Variants in SQOR observed in about 807,000 individuals in gnomAD.
SQOR encodes sulfide:quinone oxidoreductase, mitochondrial.
A neutral mutation model predicts 48.6 loss-of-function variants in SQOR; 39 were observed. The observed-to-expected ratio is 0.80, with a 90% CI of 0.62 to 1.05. The LOEUF (loss-of-function observed/expected upper bound fraction) is 1.05, where lower values mean the gene tolerates loss of function less well. Ranked by LOEUF, SQOR falls within the 50% of genes least tolerant of loss-of-function variation. SQOR has a pLI of 0.00. For synonymous variants in SQOR, 220 were observed against 206.2 expected, an observed-to-expected ratio of 1.07 and a Z score of -0.57; for missense variants, 561 against 559.9, an observed-to-expected ratio of 1.00 and a Z score of -0.02.
intron 1 of SQOR, among the ~76,000 whole-genome samples, chr15:45,656,917 G>A (rs648734): frequency 0.33 from 49,528 of 151,592 alleles, 8,843 homozygotes; most frequent in East Asian, 0.54. Flanking sequence ...CAATTCTCAT[G>A]GCTCAGCCTC....
intron 1 of SQOR, among the ~76,000 whole-genome samples, chr15:45,654,712 C>A (rs2140944984): frequency 6.6e-6 from 1 of 152,082 alleles, no homozygotes; most frequent in East Asian, 1.9e-4. Flanking sequence ...GTTTAATAGA[C>A]AGGAGAAAAG....
chr15:45,661,410 A>G (rs1296715487), intron 2 of SQOR, among the ~76,000 whole-genome samples: 2 of 151,972 alleles, frequency 1.3e-5, no homozygotes, highest in Non-Finnish European at 2.9e-5. Flanking sequence ...CTTTGGTGTA[A>G]AATCTCTGAG....
chr15:45,674,282 C>CA (rs993490441), intron 5 of SQOR, among the ~76,000 whole-genome samples: 11 of 151,598 alleles, frequency 7.3e-5, no homozygotes, highest in East Asian at 1.9e-4. Context: ...ACTAAAAATA[C>CA]AAAAAAAATT....
intron 1 of SQOR, among the ~76,000 whole-genome samples, chr15:45,645,705 C>T (rs993206489): frequency 3.3e-5 from 5 of 152,302 alleles, no homozygotes; most frequent in South Asian, 2.1e-4. Context: ...TAGGCTCTCC[C>T]GGGTCTTCAG....
intron 1 of SQOR, among the ~76,000 whole-genome samples, chr15:45,656,196 C>T (rs1889607788): frequency 6.6e-6 from 1 of 152,134 alleles, no homozygotes; most frequent in Non-Finnish European, 1.5e-5. Flanking sequence ...GTTTTACCAT[C>T]TGTTAAATGG....
At chr15:45,683,026 C>CAAAAAAAA (rs34072446) in intron 7 of SQOR, among the ~76,000 whole-genome samples, 1 of 119,890 alleles carries the variant, frequency 8.3e-6, no homozygotes, top group African/African-American at 3.5e-5. Context: ...GGCTTCATCT[C>CAAAAAAAA]AAAAAAAAAA....
intron 1 of SQOR, among the ~76,000 whole-genome samples, chr15:45,644,997 C>G (rs1353012529): frequency 2.0e-5 from 3 of 152,128 alleles, no homozygotes; most frequent in Non-Finnish European, 1.5e-5. Context: ...GGGGCAGTCT[C>G]TGGGATTAGC....
At chr15:45,644,491 C>A (rs1423682334) in intron 1 of SQOR, among the ~76,000 whole-genome samples, 2 of 152,164 alleles carry the variant, frequency 1.3e-5, no homozygotes, top group African/African-American at 4.8e-5. Flanking sequence ...TTGGCACATG[C>A]ATTTTAATCT....
intron 1 of SQOR, among the ~76,000 whole-genome samples, chr15:45,655,233 G>A (rs959055959): frequency 2.0e-5 from 3 of 152,160 alleles, no homozygotes; most frequent in Non-Finnish European, 2.9e-5. Context: ...ACTTAGCCAG[G>A]CCTCCTCCTA....
At chr15:45,675,125 G>A (rs1340995046) in intron 5 of SQOR, among the ~76,000 whole-genome samples, 2 of 152,188 alleles carry the variant, frequency 1.3e-5, no homozygotes, top group African/African-American at 4.8e-5. Flanking sequence ...TTCTTCAAAT[G>A]GTGAGATCCG....
chr15:45,632,501 C>T (rs565681980), upstream of SQOR, among the ~76,000 whole-genome samples: 173 of 151,900 alleles, frequency 1.1e-3, no homozygotes, highest in African/African-American at 3.6e-3. Flanking sequence ...ATTACAGGCA[C>T]GAGCCACCGC....
intron 1 of SQOR, among the ~76,000 whole-genome samples, chr15:45,643,094 A>G (rs899841893): frequency 5.9e-5 from 9 of 152,188 alleles, no homozygotes; most frequent in Non-Finnish European, 1.3e-4. Context: ...TAAAGCCTCA[A>G]TGCCCTAGCT....
In SQOR at chr15:45,682,562, G is replaced by C; in HGVS notation, c.949G>C (p.Asp317His). The change falls in exon 7 of 10, where the codon GAT (aspartate) becomes CAT (histidine). Residue 317 changes from aspartate to histidine, a missense_variant. Physicochemically the swap from Asp to His is moderately conservative, Grantham distance 81. Transcript: ENST00000260324. ...SPVADAAGWV[D>H]VDKETLQHRR... is the part of the protein sequence containing the mutation. ...TGTGGCTGATGCTGCTGGTTGGGTG[G>C]ATGTGGATAAAGAAACTCTGCAACA... 1 of 1,614,212 alleles carries C rather than the reference G, an allele frequency of 6.2e-7. No individual in the cohort carries two copies. Among genetic ancestry groups the C allele is most frequent in the Non-Finnish European group, 8.5e-7 (1 of 1,180,042 alleles).
At chr15:45,665,593 T>C (rs1465748674) in intron 3 of SQOR, among the ~76,000 whole-genome samples, 3 of 152,026 alleles carry the variant, frequency 2.0e-5, no homozygotes, top group African/African-American at 7.2e-5. Flanking sequence ...TCTTTTTTTT[T>C]TTTTTTTGGA....
chr15:45,671,681 T>C (rs919512545), intron 4 of SQOR, among the ~76,000 whole-genome samples: 7 of 152,198 alleles, frequency 4.6e-5, no homozygotes, highest in Non-Finnish European at 7.4e-5. Context: ...AGGGCAAGGA[T>C]GTAGCTGGGC....
At chr15:45,685,637 G>A (rs573715769) in intron 7 of SQOR, among the ~76,000 whole-genome samples, 1 of 152,136 alleles carries the variant, frequency 6.6e-6, no homozygotes, top group African/African-American at 2.4e-5. Flanking sequence ...TGGCTCCACA[G>A]GCCTCACCTC....
At chr15:45,635,840 C>T (rs1166005920) in intron 1 of SQOR, among the ~76,000 whole-genome samples, 1 of 148,830 alleles carries the variant, frequency 6.7e-6, no homozygotes, top group Non-Finnish European at 1.5e-5. Context: ...ACTCTCAGAA[C>T]AATACTTTTT....
chr15:45,691,020 G>C lies in SQOR; in HGVS notation c.1343G>C (p.Gly448Ala). Reference protein sequence around the residue: ...PAFLRKLFHLGMS With the variant: ...PAFLRKLFHLAMS Reference sequence around the variant, plus strand: ...TTTCTGCGCAAGTTGTTTCATCTAGGTATGAGTTAAGGATGGCTCAGCACT... The same window carrying C: ...TTTCTGCGCAAGTTGTTTCATCTAGCTATGAGTTAAGGATGGCTCAGCACT... Residue 448 changes from glycine (G) to alanine (A), a missense_variant, in exon 10 of 10, where the codon GGT becomes GCT. By Grantham distance (60) the Gly-to-Ala change is moderately conservative. Coordinates refer to ENST00000260324, the MANE Select transcript of SQOR (RefSeq NM_021199.4). 1 of 1,614,122 alleles carries C rather than the reference G, an allele frequency of 6.2e-7. No individual in the cohort carries two copies. Among genetic ancestry groups the C allele is most frequent in the Middle Eastern group, 1.6e-4 (1 of 6,062 alleles).
chr15:45,640,249 C>T (rs1344924817), intron 1 of SQOR, among the ~76,000 whole-genome samples: 4 of 152,218 alleles, frequency 2.6e-5, no homozygotes, highest in Non-Finnish European at 5.9e-5. Context: ...TGAAAGCCTG[C>T]TTGTGAACTT....
Sources: allele counts gnomAD v4.1 joint callset (sites outside exome capture counted in the v4.1 genomes callset), GRCh38; gene constraint gnomAD v4.1.1; transcripts MANE v1.5; gene names NCBI Gene and HGNC (gene_info 2026-07-23, HGNC 2026-07-21).